Variants in MRE11 observed in about 807,000 individuals in gnomAD.
MRE11 encodes MRE11 double strand break repair nuclease.
In MRE11, 62 loss-of-function variants were observed where a neutral mutation model predicts 91.7. The observed-to-expected ratio is 0.68, with a 90% CI of 0.55 to 0.84. MRE11 has a LOEUF of 0.84. Ranked by LOEUF, MRE11 falls within the 40% of genes least tolerant of loss-of-function variation. The probability of loss-of-function intolerance (pLI) is 0.00; values close to 1 mark genes in which losing one functional copy is unlikely to be tolerated. For synonymous variants in MRE11, 273 were observed against 271.4 expected, an observed-to-expected ratio of 1.01 and a Z score of -0.06; for missense variants, 796 against 852.9, an observed-to-expected ratio of 0.93 and a Z score of 0.83.
At chr11:94,497,050 CTT>C (rs1947426749), upstream of MRE11, 1 of 1,505,862 alleles carries the variant, frequency 6.6e-7, no homozygotes, top group Non-Finnish European at 9.1e-7. Context: ...ATACCTATCT[CTT>C]GATTGTGAGG....
intron 7 of MRE11, among the ~76,000 whole-genome samples, chr11:94,472,158 A>G (rs1224455626): frequency 6.6e-6 from 1 of 152,112 alleles, no homozygotes; most frequent in Non-Finnish European, 1.5e-5. Context: ...AAATATGTCC[A>G]GTAATTTCTT....
In MRE11 at chr11:94,440,430, T is replaced by TAA. The variant is rs34587826; in HGVS notation, c.1868-3197_1868-3196dup. ...AATCCAAATTAGTACCTCAAACATTTAAAAAAAAAAAAAAATTCTCAATGG... is the reference window on the plus strand; with the variant it reads ...AATCCAAATTAGTACCTCAAACATTTAAAAAAAAAAAAAAAAATTCTCAATGG... On this transcript the variant is annotated intron_variant, in intron 16 of 19. Transcript: ENST00000323929. Among the ~76,000 whole-genome samples, 583 of 145,634 alleles carry TAA rather than the reference T, an allele frequency of 4.0e-3. 4 individuals carry two copies. Among genetic ancestry groups the TAA allele is most frequent in the African/African-American group, 0.012 (469 of 39,778 alleles).
intron 13 of MRE11, among the ~76,000 whole-genome samples, chr11:94,456,711 C>T (rs1168821803): frequency 6.6e-6 from 1 of 152,178 alleles, no homozygotes; most frequent in Non-Finnish European, 1.5e-5. Flanking sequence ...GCAAATCACT[C>T]TTGTGCACCT....
At chr11:94,480,574 G>T (rs934204287) in intron 4 of MRE11, among the ~76,000 whole-genome samples, 1 of 152,204 alleles carries the variant, frequency 6.6e-6, no homozygotes, top group Non-Finnish European at 1.5e-5. Context: ...TGTTGCCCTG[G>T]TGAGTCGACC....
At chr11:94,452,965 A>G (rs550214003) in intron 14 of MRE11, among the ~76,000 whole-genome samples, 2 of 152,168 alleles carry the variant, frequency 1.3e-5, no homozygotes, top group African/African-American at 2.4e-5. Flanking sequence ...CTGAAACTCC[A>G]TACCTATTCA....
chr11:94,431,645 T>C (rs1462117790), intron 18 of MRE11, among the ~76,000 whole-genome samples: 1 of 152,188 alleles, frequency 6.6e-6, no homozygotes, highest in Non-Finnish European at 1.5e-5. Flanking sequence ...TGACCTTAGG[T>C]AAGTTACTTA....
chr11:94,437,428 TGTCA>T (rs1295777625), intron 16 of MRE11, among the ~76,000 whole-genome samples, 193 bp from the exon 17 acceptor site: 1 of 152,228 alleles, frequency 6.6e-6, no homozygotes, highest in Non-Finnish European at 1.5e-5. Context: ...AATGCCCAAC[TGTCA>T]GTCTCATTAT....
In MRE11 at chr11:94,454,339, G is replaced by A. The variant is rs143930437; in HGVS notation, c.1563+1937C>T. ...TCCACCTGCCTCGGCCTCCCAAAGTGCTGAAATTACAGGTAAGTCACAATG... is the reference window on the plus strand; with the variant it reads ...TCCACCTGCCTCGGCCTCCCAAAGTACTGAAATTACAGGTAAGTCACAATG... On this transcript the variant is annotated intron_variant, in intron 14 of 19. Coordinates refer to ENST00000323929, the MANE Select transcript of MRE11 (RefSeq NM_005591.4). Among the ~76,000 whole-genome samples, 877 of 152,200 alleles carry A rather than the reference G, an allele frequency of 5.8e-3. 5 individuals carry two copies. The highest frequency in any genetic ancestry group is 0.019 in the African/African-American group (795 of 41,516).
At chr11:94,488,471 AT>A in intron 3 of MRE11, among the ~76,000 whole-genome samples, 1 of 152,240 alleles carries the variant, frequency 6.6e-6, no homozygotes, top group Admixed American at 6.5e-5. Context: ...CCAAAGGAAT[AT>A]AAATCATTCT....
chr11:94,423,764 G>C (rs1335700906), intron 19 of MRE11, among the ~76,000 whole-genome samples: 1 of 152,220 alleles, frequency 6.6e-6, no homozygotes, highest in Admixed American at 6.5e-5. Context: ...TGACCCTGAG[G>C]GTCCAGACGA....
chr11:94,439,307 T>G (rs1490257366), intron 16 of MRE11, among the ~76,000 whole-genome samples: 1 of 152,088 alleles, frequency 6.6e-6, no homozygotes, highest in Non-Finnish European at 1.5e-5. Context: ...AAATCCAACC[T>G]GATAAAAATG....
At position 94,492,009 on chromosome 11, in the gene MRE11, A is replaced by G. The variant is rs115444031; in HGVS notation, c.20+773T>C. On this transcript the variant is annotated intron_variant, in intron 2 of 19. Coordinates refer to ENST00000323929, the MANE Select transcript of MRE11 (RefSeq NM_005591.4). ...ATCTGAAAAAGGTATAATTATTCCA[A>G]TTATACCAATGGCAAAATTGAGGCA... 3.0e-3 allele frequency among the ~76,000 whole-genome samples: 461 copies of G among 152,342 alleles called. 2 individuals are homozygous for G. The highest frequency in any genetic ancestry group is 9.4e-3 in the African/African-American group (392 of 41,564).
the MRE11 span, among the ~76,000 whole-genome samples, chr11:94,503,651 G>A: frequency 6.6e-5 from 10 of 150,942 alleles, no homozygotes; most frequent in East Asian, 1.8e-3. Context: ...AGCCAAGATC[G>A]CGCCACTGCA....
chr11:94,484,592 C>T (rs964525091), intron 4 of MRE11, among the ~76,000 whole-genome samples: 2 of 152,222 alleles, frequency 1.3e-5, no homozygotes, highest in African/African-American at 4.8e-5. Context: ...TGACTTTACA[C>T]TGGAGAAACC....
intron 16 of MRE11, among the ~76,000 whole-genome samples, chr11:94,440,174 C>T (rs763955393): frequency 6.2e-4 from 94 of 152,262 alleles, no homozygotes; most frequent in Non-Finnish European, 1.0e-3. Flanking sequence ...GGAAATCTGA[C>T]GTTTCGTATT....
intron 11 of MRE11, among the ~76,000 whole-genome samples, chr11:94,462,044 C>T (rs895907150): frequency 1.2e-4 from 18 of 152,120 alleles, no homozygotes; most frequent in African/African-American, 4.3e-4. Context: ...CACTGCACTC[C>T]AGCCTGGGTA....
chr11:94,471,187 T>A (rs1946700435), intron 8 of MRE11, among the ~76,000 whole-genome samples: 1 of 152,084 alleles, frequency 6.6e-6, no homozygotes, highest in Non-Finnish European at 1.5e-5. Flanking sequence ...CCCAAAAATG[T>A]TTTAAAAATG....
intron 16 of MRE11, among the ~76,000 whole-genome samples, chr11:94,445,026 G>A (rs1422364850): frequency 6.6e-6 from 1 of 151,978 alleles, no homozygotes; most frequent in Admixed American, 6.6e-5. Flanking sequence ...TAGTTAAACA[G>A]ATCCCCTTGA....
intron 14 of MRE11, among the ~76,000 whole-genome samples, chr11:94,449,458 A>G (rs1282758482): frequency 1.3e-5 from 2 of 152,194 alleles, no homozygotes; most frequent in African/African-American, 4.8e-5. Flanking sequence ...ATCAACACTC[A>G]CGATACTTTT....
Sources: gnomAD v4.1 joint callset for allele counts (sites outside exome capture counted in the v4.1 genomes callset) on GRCh38, gnomAD v4.1.1 for gene constraint, MANE v1.5 for transcripts, NCBI Gene and HGNC (gene_info 2026-07-23, HGNC 2026-07-21) for gene names.